ABCA13: variants seen among roughly 807,000 people sequenced by gnomAD.
ABCA13 encodes the protein ATP-binding cassette sub-family A member 13.
A neutral mutation model predicts 478.7 loss-of-function variants in ABCA13; 476 were observed. The ratio of observed to expected loss-of-function variants is 0.99; its 90% CI spans 0.92 to 1.07. The LOEUF is 1.07. Ranked by LOEUF, ABCA13 falls within the 50% of genes least tolerant of loss-of-function variation. ABCA13 has a pLI of 0.00. For synonymous variants in ABCA13, 2,252 were observed against 2,158.9 expected (o/e 1.04, Z -1.20); for missense variants, 6,060 against 5,910.6 (o/e 1.03, Z -0.83).
At chr7:48,411,031 CTTTCTTTCTTTCTTTCTTT>C (rs1819021376) in intron 40 of ABCA13, among the ~76,000 whole-genome samples, 1 of 115,892 alleles carries the variant, frequency 8.6e-6, no homozygotes, top group Non-Finnish European at 1.9e-5. Context: ...TTCTTTCTTT[CTTTCTTTCTTTCTTTCTTT>C]TTCTTTCTTT....
chr7:48,504,033 AAAAC>A (rs1326959737), intron 48 of ABCA13, among the ~76,000 whole-genome samples: 1 of 152,264 alleles, frequency 6.6e-6, no homozygotes, highest in Non-Finnish European at 1.5e-5. Flanking sequence ...AGCTGGAAAC[AAAAC>A]AAACAAAATG....
chr7:48,387,225 G>A (rs1177849610), intron 35 of ABCA13, among the ~76,000 whole-genome samples: 1 of 151,970 alleles, frequency 6.6e-6, no homozygotes, highest in East Asian at 1.9e-4. Flanking sequence ...AAAGAAAATT[G>A]GGAAATGTTA....
At chr7:48,371,703 T>C (rs756651273) in intron 32 of ABCA13, among the ~76,000 whole-genome samples, 1 of 152,006 alleles carries the variant, frequency 6.6e-6, no homozygotes, top group Non-Finnish European at 1.5e-5. Flanking sequence ...GACGATGGGG[T>C]TTTCTAGATA....
intron 59 of ABCA13, among the ~76,000 whole-genome samples, chr7:48,639,011 G>C (rs1041619486): frequency 1.3e-5 from 2 of 152,076 alleles, no homozygotes; most frequent in Non-Finnish European, 2.9e-5. Flanking sequence ...GATCCACCTC[G>C]CTTCTGTAAA....
chr7:48,580,696 A>G (rs1286333006), intron 56 of ABCA13, among the ~76,000 whole-genome samples: 4 of 152,158 alleles, frequency 2.6e-5, no homozygotes, highest in African/African-American at 9.7e-5. Flanking sequence ...ATTGAACTAC[A>G]AACTTGTATT....
intron 3 of ABCA13, among the ~76,000 whole-genome samples, chr7:48,200,713 T>C (rs1420432813): frequency 6.6e-6 from 1 of 152,198 alleles, no homozygotes; most frequent in Non-Finnish European, 1.5e-5. Context: ...TGAAGCACGC[T>C]GTCAGTAGGG....
At chr7:48,465,459 A>C (rs1385372535) in intron 43 of ABCA13, among the ~76,000 whole-genome samples, 2 of 152,092 alleles carry the variant, frequency 1.3e-5, no homozygotes, top group Non-Finnish European at 2.9e-5. Context: ...TTGTCTGAGA[A>C]CAAAAAATTA....
intron 3 of ABCA13, among the ~76,000 whole-genome samples, chr7:48,201,099 C>G (rs1253623657): frequency 6.6e-6 from 1 of 152,160 alleles, no homozygotes; most frequent in African/African-American, 2.4e-5. Flanking sequence ...GCTCTTTGTT[C>G]TTAGGGCAGA....
chr7:48,264,025 T>C (rs1794550559), intron 15 of ABCA13, among the ~76,000 whole-genome samples: 2 of 152,054 alleles, frequency 1.3e-5, no homozygotes, highest in East Asian at 1.9e-4. Context: ...TTTGTAGAGA[T>C]TTTTATAAAT....
intron 27 of ABCA13, among the ~76,000 whole-genome samples, chr7:48,331,172 A>G (rs1440244655): frequency 6.6e-6 from 1 of 152,214 alleles, no homozygotes; most frequent in Non-Finnish European, 1.5e-5. Flanking sequence ...ACATTCTTTT[A>G]ATATTTTCCT....
chr7:48,378,024 T>C (rs1813772223), intron 35 of ABCA13, among the ~76,000 whole-genome samples: 1 of 152,318 alleles, frequency 6.6e-6, no homozygotes, highest in South Asian at 2.1e-4. Context: ...GCAATATTTT[T>C]CTACATTATG....
At chr7:48,232,130 C>T (rs1201240641) in intron 7 of ABCA13, among the ~76,000 whole-genome samples, 3 of 57,528 alleles carry the variant, frequency 5.2e-5, no homozygotes, top group Admixed American at 5.1e-4. Context: ...ACAGTGAGAC[C>T]CACATGGAAT....
At chr7:48,537,280 A>G (rs1243852165) in intron 55 of ABCA13, among the ~76,000 whole-genome samples, 1 of 152,218 alleles carries the variant, frequency 6.6e-6, no homozygotes, top group East Asian at 1.9e-4. Flanking sequence ...TAAAAAATCA[A>G]ATTATGAGGA....
At chr7:48,363,363 T>A (rs1811181683) in intron 31 of ABCA13, among the ~76,000 whole-genome samples, 1 of 152,182 alleles carries the variant, frequency 6.6e-6, no homozygotes. Flanking sequence ...CTTGGTAATT[T>A]TGGCAAGCTG....
chr7:48,242,543 T>G (rs561738391), intron 10 of ABCA13, among the ~76,000 whole-genome samples: 1 of 152,274 alleles, frequency 6.6e-6, no homozygotes, highest in East Asian at 1.9e-4. Flanking sequence ...ACTCAAGCGA[T>G]TCTCCTGCTT....
rs556763036 is a variant in ABCA13, at chr7:48,314,057, G to A, written c.9682-175G>A. ...AGGTATGTTGGCCAGAAAAGTTACC[G>A]TAGTGTTTCAAATGGTATCCCAAGG... On this transcript the variant is annotated intron_variant, in intron 25 of 61. Transcript: ENST00000435803. Among the ~76,000 whole-genome samples the A allele has an allele frequency of 5.3e-5, 8 of 151,986 alleles. No homozygotes were observed. In the South Asian group the frequency reaches 1.0e-3, roughly 20 times the overall value.
intron 15 of ABCA13, among the ~76,000 whole-genome samples, chr7:48,263,811 T>A (rs762521278): frequency 6.6e-6 from 1 of 151,888 alleles, no homozygotes; most frequent in African/African-American, 2.4e-5. Flanking sequence ...ATGAGTAACA[T>A]GAGATATTTT....
At position 48,278,107 on chromosome 7, in the gene ABCA13, G is replaced by T. The variant is rs776363780; in HGVS notation, c.6913G>T (p.Asp2305Tyr). The T allele has an allele frequency of 7.7e-7, 1 of 1,302,380 alleles. No homozygotes were observed. Among genetic ancestry groups the T allele is most frequent in the South Asian group, 2.0e-5 (1 of 49,064 alleles). 80.7% of individuals were successfully genotyped at this position (1,302,380 alleles called of 1,614,324 possible). ...ATATATTTACAGTTTTGTCCCAAAA[G>T]ATAAAATTCTAGAAATTCTGAAACT... ...VIAEMSFVPK[D>Y]KILEILKLDQ... Residue 2305 changes from aspartate to tyrosine, a missense_variant, in exon 18 of 62, where the codon GAT becomes TAT. Coordinates refer to ENST00000435803, the MANE Select transcript of ABCA13 (RefSeq NM_152701.5).
chr7:48,240,993 C>T lies in ABCA13; in HGVS notation c.1189C>T (p.His397Tyr), dbSNP rs1253002919. Residue 397 changes from histidine to tyrosine, a missense_variant, in exon 10 of 62, where the codon CAC (histidine) becomes TAC (tyrosine). His to Tyr is a moderately conservative substitution (Grantham distance 83). Around this residue, in one of 3 missense-constraint regions of ABCA13, gnomAD observed 4,423 missense variants for 4,309.1 expected, o/e 1.03. Transcript: ENST00000435803. Reference protein sequence around the residue: ...SKPWKVVEALHTALLLLNDSL... With the variant: ...SKPWKVVEALYTALLLLNDSL... ...GCCCTGGAAGGTGGTGGAAGCTCTG[C>T]ACACTGCACTGCTCCTGCTGAATGA... The T allele has an allele frequency of 1.5e-5, 24 of 1,613,902 alleles. No homozygotes were observed. The highest frequency in any genetic ancestry group is 1.6e-4 in the Middle Eastern group (1 of 6,082).
Sources: gnomAD v4.1 joint callset for allele counts (sites outside exome capture counted in the v4.1 genomes callset) on GRCh38, gnomAD v4.1.1 for gene constraint, gnomAD v4.1.1 regional missense constraint, MANE v1.5 for transcripts, NCBI Gene and HGNC (gene_info 2026-07-23, HGNC 2026-07-21) for gene names.